ANKFY1: variants seen among roughly 807,000 people sequenced by gnomAD.
The protein encoded by ANKFY1 is ankyrin repeat and FYVE domain containing 1.
ANKFY1 carries 47 observed loss-of-function variants against 128.3 expected under a neutral mutation model. The observed-to-expected ratio is 0.37, with a 90% CI of 0.29 to 0.47. The LOEUF (loss-of-function observed/expected upper bound fraction) is 0.47, where lower values mean the gene tolerates loss of function less well. ANKFY1 is among the 20% of genes least tolerant of loss of function. The pLI, the probability that ANKFY1 is intolerant of heterozygous loss-of-function variation, is 1.00. For missense variants in ANKFY1, 1,222 were observed against 1,510.6 expected, an observed-to-expected ratio of 0.81 and a Z score of 3.17; for synonymous variants, 553 against 601.6, an observed-to-expected ratio of 0.92 and a Z score of 1.18.
chr17:4,179,416 A>C, intron 17 of ANKFY1: 1 of 517,762 alleles, frequency 1.9e-6, no homozygotes, highest in Non-Finnish European at 3.4e-6. Flanking sequence ...TGCTCAAGTG[A>C]GCTACTGGGA....
chr17:4,249,930 A>G (rs962761626), intron 1 of ANKFY1, among the ~76,000 whole-genome samples: 5 of 152,160 alleles, frequency 3.3e-5, no homozygotes, highest in African/African-American at 7.2e-5. Context: ...AATAGTCACA[A>G]TGATCAAATC....
At chr17:4,176,001 C>T (rs1225030148) in intron 19 of ANKFY1, among the ~76,000 whole-genome samples, 1 of 152,210 alleles carries the variant, frequency 6.6e-6, no homozygotes. Context: ...GGCATAAAGA[C>T]TGATGAACAC....
At position 4,179,046 on chromosome 17, in the gene ANKFY1, T is replaced by C. The variant is rs769436648; in HGVS notation, c.2409A>G (p.Gly803=). ...GANVNAQDAE[G]RTPIHVAISS... ...TGATGGCCACGTGGATGGGGGTTCT[T>C]CCTTCTGCATCCTATGGAACAAGGC... The change falls in exon 18 of 25, where the codon GGA becomes GGG. Residue 803 remains glycine, a synonymous_variant. Transcript: ENST00000341657. The C allele has an allele frequency of 1.9e-6, 3 of 1,614,140 alleles. No homozygotes were observed. In the East Asian group the frequency reaches 6.7e-5, roughly 36 times the overall value.
At chr17:4,263,483 A>ACCC in intron 1 of ANKFY1, 3 of 695,324 alleles carry the variant, frequency 4.3e-6, no homozygotes, top group Non-Finnish European at 4.1e-6. Context: ...ACCCCACCTC[A>ACCC]CCCCAACCCA....
intron 19 of ANKFY1, among the ~76,000 whole-genome samples, chr17:4,174,452 A>G (rs1407269388): frequency 4.6e-5 from 7 of 152,182 alleles, no homozygotes; most frequent in Admixed American, 3.3e-4. Flanking sequence ...CAGTAGAGTA[A>G]GATGATAAAT....
chr17:4,246,713 GC>G (rs1220767720), intron 1 of ANKFY1, among the ~76,000 whole-genome samples: 1 of 152,170 alleles, frequency 6.6e-6, no homozygotes, highest in Admixed American at 6.5e-5. Context: ...CATGACTATA[GC>G]TGGCTGGGGA....
rs533751212 is a variant in ANKFY1 at position 4,174,060 on chromosome 17, T to A, written c.2776-4A>T. The stretch of plus-strand genomic sequence containing the variant: ...TCACTTTGGCTCCCGCAAGAAGCTG[T>A]TGAAGTTCATTACATGAACAGTCAG... On this transcript the variant is annotated splice_region_variant and splice_polypyrimidine_tract_variant and intron_variant, in intron 19 of 24. Coordinates refer to ENST00000341657, the MANE Select transcript of ANKFY1 (RefSeq NM_001330063.2). The A allele has an allele frequency of 2.5e-6, 4 of 1,613,656 alleles. No homozygotes were observed. In the African/African-American group the frequency reaches 5.3e-5, roughly 21 times the overall value.
rs184322509 is a variant in ANKFY1 at position 4,200,981 on chromosome 17, G to C, written c.899-3404C>G. On this transcript the variant is annotated intron_variant, in intron 7 of 24. Coordinates refer to ENST00000341657, the MANE Select transcript of ANKFY1 (RefSeq NM_001330063.2). ...TGCCCATTTTCATTTGAATATACAG[G>C]TTTCATCTGGTTCTCAGTAGGTATG... Among the ~76,000 whole-genome samples the C allele has an allele frequency of 2.0e-5, 3 of 152,240 alleles. No homozygotes were observed. In the South Asian group the frequency reaches 6.2e-4, roughly 32 times the overall value.
chr17:4,249,156 C>G, intron 1 of ANKFY1: 1 of 984,426 alleles, frequency 1.0e-6, no homozygotes, highest in Non-Finnish European at 1.2e-6. Context: ...ACTCTTCCTT[C>G]TAGGTCAGGA....
intron 11 of ANKFY1, chr17:4,187,544 A>G (rs2059633585): frequency 1.7e-5 from 6 of 349,490 alleles, no homozygotes; most frequent in East Asian, 4.2e-5. Context: ...GCTGGTCTCC[A>G]GTGCTTTCAA....
chr17:4,170,601 C>T (rs565696284), intron 23 of ANKFY1, 114 bp downstream of exon 23: 67 of 1,419,672 alleles, frequency 4.7e-5, no homozygotes, highest in African/African-American at 1.6e-4. Flanking sequence ...TGCCAGGAAA[C>T]GAGCGGTTCC....
At chr17:4,256,724 T>C (rs1177790768) in intron 1 of ANKFY1, among the ~76,000 whole-genome samples, 1 of 152,230 alleles carries the variant, frequency 6.6e-6, no homozygotes, top group Non-Finnish European at 1.5e-5. Context: ...CTCTCTGTTC[T>C]GCAAGTTCCA....
At chr17:4,217,641 T>C (rs2060243067) in intron 3 of ANKFY1, among the ~76,000 whole-genome samples, 1 of 152,128 alleles carries the variant, frequency 6.6e-6, no homozygotes, top group Non-Finnish European at 1.5e-5. Flanking sequence ...ATATGTCGAA[T>C]AAATTGGGGA....
At position 4,165,275 on chromosome 17, in the gene ANKFY1, C is replaced by T. The variant is rs2142997280; in HGVS notation, c.*2504G>A. The T allele has an allele frequency of 6.6e-6, 1 of 152,360 alleles. No individual in the cohort carries two copies. Among genetic ancestry groups the T allele is most frequent in the African/African-American group, 2.4e-5 (1 of 41,576 alleles). 9.4% of individuals were successfully genotyped at this position (152,360 alleles called of 1,614,324 possible). On this transcript the variant is annotated 3_prime_UTR_variant, in exon 25 of 25. Transcript: ENST00000341657. ...AGCACATTCAGCATAACAATGTTGA[C>T]TGTTGCAGCAAATTATGTTTCAGTA...
intron 4 of ANKFY1, among the ~76,000 whole-genome samples, chr17:4,214,523 C>CTTTTT (rs61260385): frequency 7.3e-6 from 1 of 136,160 alleles, no homozygotes; most frequent in Admixed American, 7.3e-5. Context: ...ATAAACCTAA[C>CTTTTT]TTTTTTTTTT....
chr17:4,255,709 C>CA (rs368787690), intron 1 of ANKFY1, among the ~76,000 whole-genome samples: 153 of 152,042 alleles, frequency 1.0e-3, no homozygotes, highest in African/African-American at 3.6e-3. Context: ...GGATCTTCCA[C>CA]AAAAAAATAT....
At chr17:4,189,914 G>C (rs1483244909) in intron 10 of ANKFY1, among the ~76,000 whole-genome samples, 1 of 152,048 alleles carries the variant, frequency 6.6e-6, no homozygotes, top group Admixed American at 6.5e-5. Flanking sequence ...TGTGGACACA[G>C]AGGCTAGGGA....
chr17:4,242,671 A>G (rs537493460), intron 1 of ANKFY1, among the ~76,000 whole-genome samples: 1 of 152,328 alleles, frequency 6.6e-6, no homozygotes, highest in Non-Finnish European at 1.5e-5. Flanking sequence ...AGCAGGGGGA[A>G]TCACTTGAGC....
intron 11 of ANKFY1, chr17:4,188,605 C>G (rs1029853443): frequency 6.6e-6 from 1 of 152,032 alleles, no homozygotes; most frequent in Admixed American, 6.5e-5. Context: ...AGAAAGTGAC[C>G]GTAAAATAAA....
Sources: gnomAD v4.1 joint callset for allele counts (sites outside exome capture counted in the v4.1 genomes callset) on GRCh38, gnomAD v4.1.1 for gene constraint, MANE v1.5 for transcripts, NCBI Gene and HGNC (gene_info 2026-07-23, HGNC 2026-07-21) for gene names.